The following CLASP1 variants were observed in gnomAD, a reference collection of about 807,000 sequenced individuals.
CLASP1 encodes cytoplasmic linker associated protein 1.
CLASP1 carries 38 observed loss-of-function variants against 192.3 expected under a neutral mutation model. That is an observed-to-expected ratio of 0.20 (90% CI 0.15 to 0.26). The LOEUF (loss-of-function observed/expected upper bound fraction) is 0.26, where lower values mean the gene tolerates loss of function less well. CLASP1 is among the 10% of genes least tolerant of loss of function. The pLI is 1.00. For missense variants in CLASP1, 1,433 were observed against 1,932.5 expected (o/e 0.74, Z 4.85); for synonymous variants, 691 against 712.8 (o/e 0.97, Z 0.49).
chr2:121,597,980 C>T (rs2063336866), intron 2 of CLASP1, among the ~76,000 whole-genome samples: 1 of 152,192 alleles, frequency 6.6e-6, no homozygotes, highest in South Asian at 2.1e-4. Flanking sequence ...ACAGAAGCAG[C>T]TGGAAGTGAG....
At chr2:121,530,180 C>G in intron 3 of CLASP1, 67 bp downstream of exon 3, 1 of 1,373,902 alleles carries the variant, frequency 7.3e-7, no homozygotes, top group Non-Finnish European at 9.9e-7. Context: ...GTTTGGGAGC[C>G]GGGGAGGCCG....
intron 32 of CLASP1, among the ~76,000 whole-genome samples, chr2:121,386,662 G>A (rs2073257014): frequency 6.6e-6 from 1 of 152,218 alleles, no homozygotes; most frequent in Admixed American, 6.5e-5. Context: ...CTTCAGAGCA[G>A]CATTCTGCTT....
At chr2:121,572,167 G>GCA (rs1251861915) in intron 2 of CLASP1, among the ~76,000 whole-genome samples, 1 of 152,180 alleles carries the variant, frequency 6.6e-6, no homozygotes, top group Non-Finnish European at 1.5e-5. Context: ...AGTGGCTCAT[G>GCA]CCTGTAATCC....
chr2:121,432,339 C>T (rs2081577985), intron 19 of CLASP1, among the ~76,000 whole-genome samples: 1 of 152,042 alleles, frequency 6.6e-6, no homozygotes, highest in African/African-American at 2.4e-5. Context: ...GGCTGGTCTC[C>T]AACTCCTGAC....
chr2:121,636,831 T>A (rs1394262652), intron 1 of CLASP1, among the ~76,000 whole-genome samples: 1 of 152,176 alleles, frequency 6.6e-6, no homozygotes, highest in Non-Finnish European at 1.5e-5. Flanking sequence ...AATCCCTACA[T>A]TTGGTAAAAT....
At chr2:121,478,984 C>A (rs2092307490) in intron 8 of CLASP1, among the ~76,000 whole-genome samples, 1 of 51,730 alleles carries the variant, frequency 1.9e-5, no homozygotes. Flanking sequence ...ACACACACAC[C>A]ACACACCCCA....
chr2:121,394,818 T>C (rs2075003821), intron 30 of CLASP1, among the ~76,000 whole-genome samples: 1 of 152,132 alleles, frequency 6.6e-6, no homozygotes. Context: ...AGGCGGAGGT[T>C]GCAGTGAGCC....
At chr2:121,472,022 C>T (rs1489808907) in intron 8 of CLASP1, among the ~76,000 whole-genome samples, 1 of 152,142 alleles carries the variant, frequency 6.6e-6, no homozygotes, top group African/African-American at 2.4e-5. Flanking sequence ...TGGGGAGCTC[C>T]AAGAACATAC....
At chr2:121,492,498 C>A (rs1043895815) in intron 8 of CLASP1, among the ~76,000 whole-genome samples, 3 of 133,892 alleles carry the variant, frequency 2.2e-5, no homozygotes, top group Admixed American at 7.4e-5. Context: ...AAAAGATAAA[C>A]AATTCGATTT....
chr2:121,431,669 T>C (rs1375052173), intron 19 of CLASP1, among the ~76,000 whole-genome samples: 1 of 152,172 alleles, frequency 6.6e-6, no homozygotes, highest in Non-Finnish European at 1.5e-5. Context: ...AAAACTCTCT[T>C]TGCTAAACCT....
intron 37 of CLASP1, among the ~76,000 whole-genome samples, chr2:121,360,788 T>A (rs2066245974): frequency 6.6e-6 from 1 of 152,164 alleles, no homozygotes; most frequent in Admixed American, 6.5e-5. Context: ...CAGGCACCGT[T>A]CCCAACACAT....
At chr2:121,584,382 G>A (rs1323361741) in intron 2 of CLASP1, among the ~76,000 whole-genome samples, 10 of 152,078 alleles carry the variant, frequency 6.6e-5, no homozygotes, top group Admixed American at 5.9e-4. Flanking sequence ...AAACTTGTAG[G>A]GCATTCCATT....
intron 23 of CLASP1, 139 bp from the exon 25 acceptor site, chr2:121,411,108 T>C (rs1240954371): frequency 1.7e-6 from 1 of 595,284 alleles, no homozygotes; most frequent in Non-Finnish European, 2.9e-6. Flanking sequence ...ACTTGACTTG[T>C]TTACCAGTGG....
At chr2:121,470,029 T>TTTG in intron 8 of CLASP1, 69 bp from the exon 9 acceptor site, 1 of 1,200,806 alleles carries the variant, frequency 8.3e-7, no homozygotes, top group Non-Finnish European at 1.2e-6. Flanking sequence ...ATATATACTT[T>TTTG]TTCACCTGAT....
Position 121,478,991 on chromosome 2 carries a change from CCCACACACACA to C in CLASP1, c.713-9042_713-9032del, listed in dbSNP as rs1559370315. ...CACACACCACACACACACCACACAC[CCCACACACACA>C]CCACACACACACACCACACACACAC... is the stretch of plus-strand genomic sequence containing the variant. On this transcript the variant is annotated intron_variant, in intron 8 of 39. Transcript: ENST00000263710. 2.6e-4 allele frequency among the ~76,000 whole-genome samples: 14 copies of C among 53,936 alleles called. 1 individual carries two copies. The highest frequency in any genetic ancestry group is 1.6e-3 in the East Asian group (3 of 1,884). 35.4% of individuals were successfully genotyped at this position (53,936 alleles called of 152,430 possible). A position where few individuals can be genotyped will look rare whatever the true frequency, so the allele number is the denominator to read the frequency against.
chr2:121,432,414 C>T (rs1378749427), intron 19 of CLASP1, among the ~76,000 whole-genome samples: 2 of 152,112 alleles, frequency 1.3e-5, no homozygotes, highest in Non-Finnish European at 2.9e-5. Context: ...CCACTGTCCC[C>T]GGCCTGTGAT....
chr2:121,647,090 G>A (rs1374655250), intron 1 of CLASP1, among the ~76,000 whole-genome samples: 6 of 143,236 alleles, frequency 4.2e-5, no homozygotes, highest in East Asian at 2.1e-4. Flanking sequence ...AACATGGGCC[G>A]AGCGCGATTG....
In CLASP1 at chr2:121,401,857, A is replaced by G. The variant is rs1302465191; in HGVS notation, c.2736+11T>C. ...CAGAAAACAGATAAAGGAAAAAGAA[A>G]TGGAACTTACTCTCTGTTGTGAATT... On this transcript the variant is annotated intron_variant, in intron 27 of 39. Transcript: ENST00000263710. 5.4e-6 allele frequency: 4 copies of G among 746,614 alleles called. No homozygotes were observed. Among genetic ancestry groups the G allele is most frequent in the Non-Finnish European group, 9.8e-6 (4 of 407,582 alleles). The allele number at this position is 746,614 out of a possible 1,614,324, so 46.2% of individuals were successfully genotyped here.
chr2:121,583,734 G>A (rs559425807), intron 2 of CLASP1, among the ~76,000 whole-genome samples: 1 of 152,128 alleles, frequency 6.6e-6, no homozygotes, highest in African/African-American at 2.4e-5. Context: ...CACTGCTATG[G>A]TGTGGATGTT....
Sources: gnomAD v4.1 joint callset for allele counts (sites outside exome capture counted in the v4.1 genomes callset) on GRCh38, gnomAD v4.1.1 for gene constraint, MANE v1.5 for transcripts, NCBI Gene and HGNC (gene_info 2026-07-23, HGNC 2026-07-21) for gene names.